CDC20B: variants seen among roughly 807,000 people sequenced by gnomAD.
The protein encoded by CDC20B is cell division cycle 20B.
A neutral mutation model predicts 64.1 loss-of-function variants in CDC20B; 58 were observed. The ratio of observed to expected loss-of-function variants is 0.90; its 90% confidence interval spans 0.73 to 1.13. CDC20B has a LOEUF of 1.13. CDC20B is among the 50% of genes most tolerant of loss of function. CDC20B has a pLI of 0.00. For synonymous variants in CDC20B, 243 were observed against 230.6 expected (o/e 1.05, Z -0.49); for missense variants, 597 against 633.0 (o/e 0.94, Z 0.61).
At chr5:55,152,012 C>T (rs1041860839) in intron 2 of CDC20B, among the ~76,000 whole-genome samples, 1 of 152,214 alleles carries the variant, frequency 6.6e-6, no homozygotes, top group Non-Finnish European at 1.5e-5. Context: ...ACATGTATCC[C>T]TGTAAGAGGA....
chr5:55,125,731 CAATT>C (rs1742869824), intron 8 of CDC20B, among the ~76,000 whole-genome samples: 1 of 152,318 alleles, frequency 6.6e-6, no homozygotes, highest in South Asian at 2.1e-4. Flanking sequence ...TGATGTTCCA[CAATT>C]ATTTCAGACA....
chr5:55,124,741 T>C (rs1742834398), intron 9 of CDC20B, 62 bp downstream of exon 9: 4 of 1,334,844 alleles, frequency 3.0e-6, no homozygotes, highest in Admixed American at 2.2e-5. Flanking sequence ...TCTTTTTATA[T>C]GTGAAGGATA....
rs374320134 is a variant in CDC20B, at chr5:55,161,272, C to T, written c.126+11316G>A. On this transcript the variant is annotated intron_variant, in intron 2 of 11. Coordinates refer to ENST00000381375, the MANE Select transcript of CDC20B (RefSeq NM_001170402.1). ...TTCTTGTTGGTAAATATCTGCCTTG[C>T]ATATGCTGTTTTAAATTGCTTTTCA... 1.1e-4 allele frequency: 183 copies of T among 1,604,898 alleles called. No homozygotes were observed. The African/African-American group carries it at 2.0e-3, about 18-fold the overall frequency.
At chr5:55,141,053 G>T (rs894314965) in intron 4 of CDC20B, among the ~76,000 whole-genome samples, 1 of 152,196 alleles carries the variant, frequency 6.6e-6, no homozygotes, top group Non-Finnish European at 1.5e-5. Flanking sequence ...CAAACACTGT[G>T]TCAGGTTCAG....
chr5:55,143,285 A>C, intron 4 of CDC20B, among the ~76,000 whole-genome samples: 1 of 152,306 alleles, frequency 6.6e-6, no homozygotes, highest in Middle Eastern at 3.4e-3. Context: ...TCTCATTTTC[A>C]CTTTTTTAAT....
chr5:55,138,850 G>A (rs1167875130), intron 5 of CDC20B, among the ~76,000 whole-genome samples: 1 of 150,714 alleles, frequency 6.6e-6, no homozygotes, highest in Non-Finnish European at 1.5e-5. Context: ...TCACCCAAAA[G>A]GTTTAAAAAT....
intron 2 of CDC20B, among the ~76,000 whole-genome samples, chr5:55,158,327 A>T (rs1168585976): frequency 6.6e-6 from 1 of 152,242 alleles, no homozygotes; most frequent in Admixed American, 6.5e-5. Context: ...TCAGCCAGAG[A>T]ACACCAAAGT....
rs749470003 is a variant in CDC20B, at chr5:55,127,251, T to G, written c.989+6A>C. On this transcript the variant is annotated splice_donor_region_variant and intron_variant, in intron 8 of 11. Coordinates refer to ENST00000381375, the MANE Select transcript of CDC20B (RefSeq NM_001170402.1). The stretch of plus-strand genomic sequence containing the variant: ...ACATAACTGTCTCCAACAAGACGCT[T>G]CTTACCTGCTGAGGATAAAGTGATT... 2.7e-5 allele frequency: 43 copies of G among 1,612,052 alleles called. No homozygotes were observed. Among genetic ancestry groups the G allele is most frequent in the South Asian group, 3.3e-5 (3 of 91,016 alleles).
intron 6 of CDC20B, among the ~76,000 whole-genome samples, chr5:55,129,529 G>A (rs974178425): frequency 1.3e-5 from 2 of 152,168 alleles, no homozygotes; most frequent in Non-Finnish European, 2.9e-5. Context: ...GCATAGAACT[G>A]ATACCAGTAT....
rs1419420571 is a variant in CDC20B, at chr5:55,128,620, A to G, written c.698-3T>C. ...ACTCCAATCTAGGATATTCAGATCTATAAGAAAAGCACTTCAAATTAGTAT... is the reference window on the plus strand; with the variant it reads ...ACTCCAATCTAGGATATTCAGATCTGTAAGAAAAGCACTTCAAATTAGTAT... On this transcript the variant is annotated splice_polypyrimidine_tract_variant and splice_region_variant and intron_variant, in intron 6 of 11. Transcript: ENST00000381375. 1.3e-6 allele frequency: 2 copies of G among 1,539,270 alleles called. No homozygotes were observed. The highest frequency in any genetic ancestry group is 1.7e-6 in the Non-Finnish European group (2 of 1,153,750).
At chr5:55,146,012 C>T (rs573426493) in intron 3 of CDC20B, among the ~76,000 whole-genome samples, 5 of 152,196 alleles carry the variant, frequency 3.3e-5, no homozygotes, top group African/African-American at 1.2e-4. Flanking sequence ...TGTACATATA[C>T]ATATATACAT....
At chr5:55,165,745 G>A (rs1744346856) in intron 2 of CDC20B, 1 of 152,210 alleles carries the variant, frequency 6.6e-6, no homozygotes. Flanking sequence ...GTGTCAGAAA[G>A]CCTGCTCCTA....
intron 10 of CDC20B, 35 bp downstream of exon 10, chr5:55,120,390 T>C (rs746655038): frequency 3.7e-6 from 6 of 1,611,832 alleles, no homozygotes; most frequent in Non-Finnish European, 4.2e-6. Flanking sequence ...TTCCAGAAGA[T>C]CAAAATGAAG....
intron 9 of CDC20B, among the ~76,000 whole-genome samples, chr5:55,122,227 A>G (rs183572107): frequency 6.6e-6 from 1 of 151,864 alleles, no homozygotes; most frequent in Non-Finnish European, 1.5e-5. Flanking sequence ...ACTAAAGATG[A>G]CTGTTACTTC....
Position 55,124,971 on chromosome 5 carries a change from A to C in CDC20B, c.1047T>G (p.Val349=), listed in dbSNP as rs382402. The C allele has an allele frequency of 0.19, 314,488 of 1,614,022 alleles. 32,246 individuals carry two copies. The highest frequency in any genetic ancestry group is 0.3 in the South Asian group (27,303 of 91,072). The change falls in exon 9 of 12, where the codon GTT becomes GTG. Residue 349 remains valine, a synonymous_variant. Coordinates refer to ENST00000381375, the MANE Select transcript of CDC20B (RefSeq NM_001170402.1). ...CAGCTTGCTTGTGGCGAAGTGTTCC[A>C]ACATGATGCTGGGCTACCCGAACAT... ...HHDVRVAQHH[V]GTLRHKQAVC...
At chr5:55,165,093 C>T (rs566117734) in intron 2 of CDC20B, 15 of 152,244 alleles carry the variant, frequency 9.9e-5, no homozygotes, top group African/African-American at 2.4e-4. Flanking sequence ...CTAATGTATT[C>T]GTACTAGATT....
chr5:55,114,649 G>C lies in CDC20B; in HGVS notation c.1460-331C>G, dbSNP rs192576633. 6.6e-6 allele frequency among the ~76,000 whole-genome samples: 1 copy of C among 152,222 alleles called. No individual in the cohort carries two copies. The highest frequency in any genetic ancestry group is 2.4e-5 in the African/African-American group (1 of 41,548). On this transcript the variant is annotated intron_variant, in intron 11 of 11. Coordinates refer to ENST00000381375, the MANE Select transcript of CDC20B (RefSeq NM_001170402.1). This position sits in a 1 kb window ranked among gnomAD's most constrained non-coding sequence, Gnocchi z 4.1. ...AGTCTGAAATCATGGGGTCACAGGG[G>C]CTGTGCTCCCTAGGGAGGCTCTCGA...
intron 2 of CDC20B, 94 bp downstream of exon 2, chr5:55,172,494 C>T: frequency 5.0e-6 from 5 of 1,006,726 alleles, no homozygotes; most frequent in South Asian, 4.1e-5. Flanking sequence ...ATTTTCAGAC[C>T]AGCTCAAACT....
In CDC20B at chr5:55,115,917, G is replaced by A. The variant is rs537867290; in HGVS notation, c.1460-1599C>T. Among the ~76,000 whole-genome samples, 18 of 152,128 alleles carry A rather than the reference G, an allele frequency of 1.2e-4. No individual in the cohort carries two copies. In the South Asian group the frequency reaches 3.1e-3, roughly 26 times the overall value. ...ACGCACACACACACCACACACACAC[G>A]CACCAGTAAAGGATGCCTCCAAGGG... On this transcript the variant is annotated intron_variant, in intron 11 of 11. Coordinates refer to ENST00000381375, the MANE Select transcript of CDC20B (RefSeq NM_001170402.1).
Sources: allele counts gnomAD v4.1 joint callset (sites outside exome capture counted in the v4.1 genomes callset), GRCh38; gene constraint gnomAD v4.1.1; non-coding constraint Gnocchi (gnomAD v3.1); transcripts MANE v1.5; gene names NCBI Gene and HGNC (gene_info 2026-07-23, HGNC 2026-07-21).